The following FOXN2 variants were observed in gnomAD, a reference collection of about 807,000 sequenced individuals.
FOXN2 encodes the protein forkhead box N2.
A neutral mutation model predicts 41.2 loss-of-function variants in FOXN2; 19 were observed. The observed-to-expected ratio is 0.46, with a 90% CI of 0.32 to 0.68. The LOEUF is 0.68. FOXN2 is among the 30% of genes least tolerant of loss of function. FOXN2 has a pLI of 0.03. For synonymous variants in FOXN2, 195 were observed against 176.8 expected (o/e 1.10, Z -0.82); for missense variants, 587 against 509.4 (o/e 1.15, Z -1.47).
At chr2:48,364,222 T>TTTTA (rs572021836) in intron 5 of FOXN2, among the ~76,000 whole-genome samples, 56 of 152,116 alleles carry the variant, frequency 3.7e-4, no homozygotes, top group African/African-American at 1.0e-3. Context: ...AATATTTTAT[T>TTTTA]TTTATTTATT....
rs1055600381 is a variant in FOXN2, at chr2:48,348,429, A to G, written c.537+1678A>G. On this transcript the variant is annotated intron_variant, in intron 3 of 6. Coordinates refer to ENST00000340553, the MANE Select transcript of FOXN2 (RefSeq NM_002158.4). ...AATTCCCCACTAGATCCATAAACAT[A>G]TTAATTATAGTTATTATATAATGTC... Among the ~76,000 whole-genome samples, 14 of 152,194 alleles carry G rather than the reference A, an allele frequency of 9.2e-5. 1 individual carries two copies. Among genetic ancestry groups the G allele is most frequent in the Admixed American group, 7.9e-4 (12 of 15,276 alleles).
intron 1 of FOXN2, among the ~76,000 whole-genome samples, chr2:48,324,756 T>C (rs530829090): frequency 9.8e-4 from 149 of 152,328 alleles, no homozygotes; most frequent in African/African-American, 3.4e-3. Flanking sequence ...AAAATAACTT[T>C]AGTGTTTATG....
intron 6 of FOXN2, among the ~76,000 whole-genome samples, chr2:48,373,608 C>A (rs1164810152): frequency 1.3e-5 from 2 of 151,192 alleles, no homozygotes; most frequent in African/African-American, 4.9e-5. Context: ...AAAATGAACT[C>A]AAAGAGCTAA....
At chr2:48,342,603 C>A (rs1670849083) in intron 2 of FOXN2, among the ~76,000 whole-genome samples, 1 of 151,696 alleles carries the variant, frequency 6.6e-6, no homozygotes. Context: ...TATTTGTTTG[C>A]TATTTGTATT....
At chr2:48,365,773 A>T (rs959127484) in intron 5 of FOXN2, among the ~76,000 whole-genome samples, 2 of 152,224 alleles carry the variant, frequency 1.3e-5, no homozygotes, top group East Asian at 3.8e-4. Flanking sequence ...ACAAATGCAC[A>T]TCTGTCCTGG....
rs1434008011 is a variant in FOXN2 at position 48,375,399 on chromosome 2, A to G, written c.1252A>G (p.Ile418Val). The G allele has an allele frequency of 2.5e-6, 4 of 1,613,334 alleles. No homozygotes were observed. The highest frequency in any genetic ancestry group is 3.4e-6 in the Non-Finnish European group (4 of 1,179,818). Residue 418 changes from isoleucine (I) to valine (V), a missense_variant, in exon 7 of 7, where the codon ATA becomes GTA. Transcript: ENST00000340553. The stretch of plus-strand genomic sequence containing the variant: ...AATTCGTACATGTTTAGGTTCCCTA[A>G]TAAGTACTGCAAAGACACAAAATCA... ...AGIRTCLGSL[I>V]STAKTQNQKQ...
At chr2:48,370,401 T>C (rs1345088933) in intron 5 of FOXN2, among the ~76,000 whole-genome samples, 1 of 152,202 alleles carries the variant, frequency 6.6e-6, no homozygotes, top group African/African-American at 2.4e-5. Flanking sequence ...TCCTTTGTAC[T>C]TGCTCTTCTT....
chr2:48,326,202 C>T (rs1395413210), intron 1 of FOXN2, among the ~76,000 whole-genome samples: 1 of 152,028 alleles, frequency 6.6e-6, no homozygotes, highest in African/African-American at 2.4e-5. Flanking sequence ...AGCAGTTAGC[C>T]AGGGTTAGGT....
chr2:48,375,450 T>C lies in FOXN2; in HGVS notation c.*7T>C. ...AAAGCAACGGAAAAAATAGAAATAC[T>C]TAAAGTGTGGCAATACTCTTTCACT... On this transcript the variant is annotated 3_prime_UTR_variant, in exon 7 of 7. Transcript: ENST00000340553. The C allele has an allele frequency of 6.3e-7, 1 of 1,594,964 alleles. No individual in the cohort carries two copies. Among genetic ancestry groups the C allele is most frequent in the South Asian group, 1.1e-5 (1 of 89,272 alleles).
intron 2 of FOXN2, chr2:48,340,624 G>A (rs147619219): frequency 4.6e-5 from 7 of 152,186 alleles, no homozygotes; most frequent in South Asian, 2.1e-4. Flanking sequence ...GTACTGGGTT[G>A]GTTTGAACTC....
intron 2 of FOXN2, among the ~76,000 whole-genome samples, chr2:48,334,044 G>A (rs1201541718): frequency 2.0e-5 from 3 of 152,048 alleles, no homozygotes; most frequent in Non-Finnish European, 4.4e-5. Context: ...AGATATGGAA[G>A]TAAGGTTTTT....
chr2:48,361,232 C>T (rs753754623), intron 4 of FOXN2, among the ~76,000 whole-genome samples: 14 of 151,918 alleles, frequency 9.2e-5, no homozygotes, highest in African/African-American at 2.4e-4. Context: ...TTTGGTAGGC[C>T]GAGGCCAGTG....
intron 2 of FOXN2, among the ~76,000 whole-genome samples, chr2:48,338,766 A>C (rs1002723373): frequency 6.6e-6 from 1 of 152,224 alleles, no homozygotes; most frequent in African/African-American, 2.4e-5. Flanking sequence ...TTGGATAAAA[A>C]ATACATGTAT....
chr2:48,364,166 TAA>T (rs1287699711), intron 5 of FOXN2, among the ~76,000 whole-genome samples: 3 of 152,176 alleles, frequency 2.0e-5, no homozygotes, highest in Non-Finnish European at 2.9e-5. Context: ...ATTTGGGCAA[TAA>T]AAACATTTAT....
rs765705020 is a variant in FOXN2, at chr2:48,377,904, G to C, written c.*2461G>C. On this transcript the variant is annotated 3_prime_UTR_variant, in exon 7 of 7. Coordinates refer to ENST00000340553, the MANE Select transcript of FOXN2 (RefSeq NM_002158.4). ...TGACTAATAACCACACAATTAAGTA[G>C]AGTCATTCCAAGTCCTATGGCCTGG... is the stretch of plus-strand genomic sequence containing the variant. 3 of 151,952 alleles carry C rather than the reference G, an allele frequency of 2.0e-5. No homozygotes were observed. The highest frequency in any genetic ancestry group is 4.4e-5 in the Non-Finnish European group (3 of 67,900). 9.4% of individuals were successfully genotyped at this position (151,952 alleles called of 1,614,324 possible).
chr2:48,360,680 A>G (rs116665570), intron 4 of FOXN2, among the ~76,000 whole-genome samples: 3,269 of 152,192 alleles, frequency 0.021, 109 homozygotes, highest in African/African-American at 0.072. Context: ...TTGGAAATTG[A>G]TATCTTTATT....
At chr2:48,342,704 C>T (rs147361706) in intron 2 of FOXN2, among the ~76,000 whole-genome samples, 4 of 152,038 alleles carry the variant, frequency 2.6e-5, no homozygotes, top group African/African-American at 9.6e-5. Context: ...GTCATAGCAC[C>T]CTGAACATGC....
chr2:48,317,677 G>A (rs1669019549), intron 1 of FOXN2, among the ~76,000 whole-genome samples: 1 of 126,984 alleles, frequency 7.9e-6, no homozygotes. Flanking sequence ...GCGCTATCTT[G>A]GCTCACTGCA....
chr2:48,359,200 G>A, intron 4 of FOXN2, 53 bp downstream of exon 4: 3 of 1,275,094 alleles, frequency 2.4e-6, no homozygotes, highest in Non-Finnish European at 3.4e-6. Context: ...TTCACTGTGT[G>A]AGATGGAGAA....
Sources: gnomAD v4.1 joint callset for allele counts (sites outside exome capture counted in the v4.1 genomes callset) on GRCh38, gnomAD v4.1.1 for gene constraint, MANE v1.5 for transcripts, NCBI Gene and HGNC (gene_info 2026-07-23, HGNC 2026-07-21) for gene names.